Variants in TAOK3 observed in about 807,000 individuals in gnomAD.
TAOK3 encodes the protein serine/threonine-protein kinase TAO3.
Under a neutral mutation model 120.4 loss-of-function variants are expected in TAOK3, and 40 were observed. That is an observed-to-expected ratio of 0.33 (90% CI 0.26 to 0.43). The LOEUF (loss-of-function observed/expected upper bound fraction) is 0.43, where lower values mean the gene tolerates loss of function less well. TAOK3 is among the 20% of genes least tolerant of loss of function. TAOK3 has a pLI of 1.00. For missense variants in TAOK3, 821 were observed against 1,112.1 expected (o/e 0.74, Z 3.72); for synonymous variants, 355 against 387.5 (o/e 0.92, Z 0.99).
intron 2 of TAOK3, among the ~76,000 whole-genome samples, chr12:118,256,975 G>A (rs1230579101): frequency 6.6e-6 from 1 of 152,052 alleles, no homozygotes; most frequent in African/African-American, 2.4e-5. Context: ...AATAACGGTT[G>A]GTATTTATTA....
chr12:118,170,396 T>G (rs1255967994), intron 17 of TAOK3, among the ~76,000 whole-genome samples: 2 of 152,172 alleles, frequency 1.3e-5, no homozygotes, highest in Admixed American at 6.5e-5. Context: ...GTTCAAATCA[T>G]TCTGTGTATT....
Position 118,269,151 on chromosome 12 carries a change from C to T in TAOK3, c.-193-2392G>A, listed in dbSNP as rs528896722. On this transcript the variant is annotated intron_variant, in intron 1 of 20. Coordinates refer to ENST00000392533, the MANE Select transcript of TAOK3 (RefSeq NM_016281.4). ...TCTTTCTTTCTTCTCTTTCTTCTCT[C>T]TCTTTCTTTCTTTCTTTTTTTATTT... 5.6e-4 allele frequency among the ~76,000 whole-genome samples: 85 copies of T among 151,810 alleles called. 1 individual carries two copies. Among genetic ancestry groups the T allele is most frequent in the Middle Eastern group, 6.8e-3 (2 of 294 alleles).
At chr12:118,310,729 G>A (rs1362490456) in intron 1 of TAOK3, among the ~76,000 whole-genome samples, 2 of 152,050 alleles carry the variant, frequency 1.3e-5, no homozygotes, top group Admixed American at 6.6e-5. Context: ...TACCACATCT[G>A]CTTGGTGATG....
intron 1 of TAOK3, among the ~76,000 whole-genome samples, chr12:118,326,518 A>G (rs962034778): frequency 4.5e-4 from 68 of 151,052 alleles, no homozygotes; most frequent in Non-Finnish European, 9.7e-4. Context: ...CATTTTTTAT[A>G]GAAAAGAAAT....
At chr12:118,225,246 CAAAAA>C (rs34923071) in intron 9 of TAOK3, among the ~76,000 whole-genome samples, 25 of 75,866 alleles carry the variant, frequency 3.3e-4, no homozygotes, top group Middle Eastern at 7.1e-3. Flanking sequence ...GAGACTGTCT[CAAAAA>C]AAAAAAAAAA....
chr12:118,176,278 G>A (rs543495615), intron 16 of TAOK3, among the ~76,000 whole-genome samples: 2 of 152,236 alleles, frequency 1.3e-5, no homozygotes, highest in Non-Finnish European at 2.9e-5. Flanking sequence ...GAAGGGTGGA[G>A]CTTGATAAAT....
chr12:118,333,558 G>C lies in TAOK3; in HGVS notation c.-194+39090C>G, dbSNP rs369669853. ...AAATGGCCTCAGATTAATAACCTAA[G>C]TTTCTACCATAAGAATCCTAGAACA... is the stretch of plus-strand genomic sequence containing the variant. On this transcript the variant is annotated intron_variant, in intron 1 of 20. Coordinates refer to ENST00000392533, the MANE Select transcript of TAOK3 (RefSeq NM_016281.4). 3.3e-5 allele frequency among the ~76,000 whole-genome samples: 5 copies of C among 151,940 alleles called. No homozygotes were observed. The South Asian group carries it at 8.3e-4, about 25-fold the overall frequency.
chr12:118,262,436 C>G (rs1044019702), intron 2 of TAOK3, among the ~76,000 whole-genome samples: 1 of 151,746 alleles, frequency 6.6e-6, no homozygotes, highest in Admixed American at 6.6e-5. Context: ...GAGCTGAGAT[C>G]GCACTACTAC....
At chr12:118,201,604 G>T in intron 11 of TAOK3, 141 bp from the exon 12 acceptor site, 1 of 736,246 alleles carries the variant, frequency 1.4e-6, no homozygotes, top group Non-Finnish European at 2.0e-6. Flanking sequence ...TTCATGTCAT[G>T]TGTCCTTCCA....
Position 118,189,836 on chromosome 12 carries a change from G to A in TAOK3, c.1300C>T (p.Arg434Cys). 1.2e-6 allele frequency: 2 copies of A among 1,614,164 alleles called. No homozygotes were observed. The highest frequency in any genetic ancestry group is 1.7e-5 in the Admixed American group (1 of 60,020). The change falls in exon 14 of 21, where the codon CGC becomes TGC. Residue 434 changes from arginine to cysteine, a missense_variant. This residue lies in a region of TAOK3 where 354 missense variants were observed against 572.1 expected (regional missense o/e 0.62). Transcript: ENST00000392533. ...GATGCTGATTTGATCGTGGCAAAGC[G>A]CTCTCTGTTCCGGTAGTGGAGGGCC... ...SQALHYRNRE[R>C]FATIKSASLV...
At chr12:118,255,285 T>C (rs746809191) in intron 3 of TAOK3, among the ~76,000 whole-genome samples, 163 bp downstream of exon 3, 8 of 152,078 alleles carry the variant, frequency 5.3e-5, no homozygotes, top group Non-Finnish European at 1.2e-4. Context: ...TATTTTATTT[T>C]AGTTTTTTGT....
chr12:118,363,897 G>A (rs2045675120), intron 1 of TAOK3, among the ~76,000 whole-genome samples: 1 of 152,066 alleles, frequency 6.6e-6, no homozygotes, highest in South Asian at 2.1e-4. Flanking sequence ...TGAGGTGGGC[G>A]GATCACCTGA....
chr12:118,284,525 G>A (rs1318760640), intron 1 of TAOK3, among the ~76,000 whole-genome samples: 1 of 152,124 alleles, frequency 6.6e-6, no homozygotes, highest in Non-Finnish European at 1.5e-5. Flanking sequence ...ATAAAAATGG[G>A]GAATTTAGTG....
intron 1 of TAOK3, among the ~76,000 whole-genome samples, chr12:118,349,480 T>C (rs1306432539): frequency 1.3e-5 from 2 of 152,234 alleles, no homozygotes; most frequent in African/African-American, 4.8e-5. Flanking sequence ...TGAAACATTA[T>C]GCTAAGTGAA....
intron 11 of TAOK3, among the ~76,000 whole-genome samples, chr12:118,204,797 AG>A (rs1366294481): frequency 6.6e-6 from 1 of 152,230 alleles, no homozygotes; most frequent in Non-Finnish European, 1.5e-5. Context: ...TGGGAGGCCA[AG>A]GCGGGCAGAT....
intron 1 of TAOK3, among the ~76,000 whole-genome samples, chr12:118,362,317 T>TAAAAA (rs10652375): frequency 1.9e-5 from 2 of 105,524 alleles, no homozygotes; most frequent in African/African-American, 3.6e-5. Context: ...GCTGATGGGC[T>TAAAAA]AAAAAAAAAA....
Position 118,150,966 on chromosome 12 carries a change from T to C in TAOK3, c.*31A>G. The C allele has an allele frequency of 6.5e-7, 1 of 1,529,182 alleles. No individual in the cohort carries two copies. Among genetic ancestry groups the C allele is most frequent in the Non-Finnish European group, 8.7e-7 (1 of 1,145,378 alleles). The allele number at this position is 1,529,182 out of a possible 1,614,324, so 94.7% of individuals were successfully genotyped here. A position where few individuals can be genotyped will look rare whatever the true frequency, so the allele number is the denominator to read the frequency against. On this transcript the variant is annotated 3_prime_UTR_variant, in exon 21 of 21. Transcript: ENST00000392533. Reference sequence around the variant, plus strand: ...ATTTTTTTCTGTTTTCTTTTTTTTTTTTTTTTTTGTAAATGGCAAAAAATT... The same window carrying C: ...ATTTTTTTCTGTTTTCTTTTTTTTTCTTTTTTTTGTAAATGGCAAAAAATT...
intron 16 of TAOK3, among the ~76,000 whole-genome samples, chr12:118,174,661 T>C (rs1201664565): frequency 1.3e-5 from 2 of 152,126 alleles, no homozygotes; most frequent in Admixed American, 1.3e-4. Context: ...TCTATTTATT[T>C]TATTTTACGA....
chr12:118,339,704 A>G (rs1221608056), intron 1 of TAOK3, among the ~76,000 whole-genome samples: 2 of 151,854 alleles, frequency 1.3e-5, no homozygotes, highest in East Asian at 3.9e-4. Flanking sequence ...CTGGGACTAC[A>G]GGCGCGCCAC....
Sources: gnomAD v4.1 joint callset for allele counts (sites outside exome capture counted in the v4.1 genomes callset) on GRCh38, gnomAD v4.1.1 for gene constraint, gnomAD v4.1.1 regional missense constraint, MANE v1.5 for transcripts, NCBI Gene and HGNC (gene_info 2026-07-23, HGNC 2026-07-21) for gene names.